Variants in ANO3 observed in about 807,000 individuals in gnomAD.
ANO3 encodes anoctamin 3, also known as anoctamin-3.
ANO3 carries 99 observed loss-of-function variants against 144.8 expected under a neutral mutation model. The ratio of observed to expected loss-of-function variants is 0.68; its 90% CI spans 0.58 to 0.81. The LOEUF (loss-of-function observed/expected upper bound fraction) is 0.81. Ranked by LOEUF, ANO3 falls within the 30% of genes least tolerant of loss-of-function variation. The pLI is 0.00. For synonymous variants in ANO3, 414 were observed against 392.6 expected, an observed-to-expected ratio of 1.05 and a Z score of -0.64; for missense variants, 905 against 1,202.2, an observed-to-expected ratio of 0.75 and a Z score of 3.66.
intron 14 of ANO3, among the ~76,000 whole-genome samples, chr11:26,561,639 A>G (rs1850298201): frequency 6.6e-6 from 1 of 151,932 alleles, no homozygotes; most frequent in South Asian, 2.1e-4. Context: ...TAATGTTATT[A>G]TTTTACCAAA....
At chr11:26,300,855 CT>C (rs376885670) in intron 1 of ANO3, among the ~76,000 whole-genome samples, 8,971 of 128,814 alleles carry the variant, frequency 0.07, 182 homozygotes, top group Middle Eastern at 0.095. Flanking sequence ...TCTTTTTTTT[CT>C]TTTTTTTTTT....
At chr11:26,475,184 C>T (rs1048409404) in intron 4 of ANO3, among the ~76,000 whole-genome samples, 3 of 151,526 alleles carry the variant, frequency 2.0e-5, no homozygotes, top group African/African-American at 7.3e-5. Context: ...ATTTTCTTTC[C>T]TTCTTAGTTT....
chr11:26,350,699 A>G (rs1311141347), intron 1 of ANO3, among the ~76,000 whole-genome samples: 1 of 152,170 alleles, frequency 6.6e-6, no homozygotes, highest in Non-Finnish European at 1.5e-5. Flanking sequence ...TTCAGAAAAT[A>G]CACAAATATA....
chr11:26,199,503 T>A (rs1478685449), intron 1 of ANO3, among the ~76,000 whole-genome samples: 1 of 152,138 alleles, frequency 6.6e-6, no homozygotes, highest in Non-Finnish European at 1.5e-5. Context: ...CATGCAGGGA[T>A]GGGACACAGG....
intron 4 of ANO3, among the ~76,000 whole-genome samples, chr11:26,494,582 C>T (rs116518950): frequency 0.012 from 1,836 of 152,266 alleles, 37 homozygotes; most frequent in African/African-American, 0.042. Context: ...TTCACTAATG[C>T]CCATTTTTCT....
intron 1 of ANO3, among the ~76,000 whole-genome samples, chr11:26,280,660 CT>C (rs1241733716): frequency 7.9e-5 from 12 of 152,296 alleles, no homozygotes; most frequent in African/African-American, 2.9e-4. Flanking sequence ...TGTTAATCTC[CT>C]TTGGCAACAC....
intron 17 of ANO3, among the ~76,000 whole-genome samples, chr11:26,621,249 T>C (rs11029648): frequency 0.25 from 38,753 of 152,080 alleles, 5,843 homozygotes; most frequent in South Asian, 0.45. Context: ...AATTCCAAAA[T>C]GCTTACCATG....
intron 17 of ANO3, among the ~76,000 whole-genome samples, chr11:26,607,701 G>A (rs1427483960): frequency 2.0e-5 from 3 of 152,124 alleles, no homozygotes; most frequent in Non-Finnish European, 4.4e-5. Flanking sequence ...CCTGTATTGG[G>A]TGCATAGAAT....
In ANO3 at chr11:26,629,855, T is replaced by G. The variant is rs1036585456; in HGVS notation, c.1874-4349T>G. Among the ~76,000 whole-genome samples, 23 of 152,200 alleles carry G rather than the reference T, an allele frequency of 1.5e-4. 1 individual carries two copies. The highest frequency in any genetic ancestry group is 1.5e-3 in the Admixed American group (23 of 15,278). On this transcript the variant is annotated intron_variant, in intron 18 of 26. Transcript: ENST00000256737. ...CATGTTAGTCAGGCTGGTCTCGAACTGCCGACCTCAGGTGATCTGCCCGCC... is the reference window on the plus strand; with the variant it reads ...CATGTTAGTCAGGCTGGTCTCGAACGGCCGACCTCAGGTGATCTGCCCGCC...
chr11:26,395,592 G>A (rs1002346045), intron 1 of ANO3, among the ~76,000 whole-genome samples: 4 of 152,020 alleles, frequency 2.6e-5, no homozygotes, highest in African/African-American at 9.7e-5. Flanking sequence ...TATTATTGGT[G>A]TATAGGAATG....
intron 1 of ANO3, among the ~76,000 whole-genome samples, chr11:26,441,504 G>A (rs1858522098): frequency 6.6e-6 from 1 of 152,122 alleles, no homozygotes; most frequent in South Asian, 2.1e-4. Flanking sequence ...TAAGGGAGAG[G>A]AGGGCGTAGA....
At chr11:26,655,359 G>A (rs770823528) in intron 24 of ANO3, among the ~76,000 whole-genome samples, 3 of 152,130 alleles carry the variant, frequency 2.0e-5, no homozygotes, top group Non-Finnish European at 2.9e-5. Flanking sequence ...CCAGGAAAGG[G>A]AAAGAATAGG....
chr11:26,507,408 A>G lies in ANO3; in HGVS notation c.433-696A>G, dbSNP rs542234746. ...TAGGTTGGTGGATACAACAGAGTGA[A>G]GGCCCTAGAGCAGTCTTGCTGAGCA... On this transcript the variant is annotated intron_variant, in intron 4 of 26. Coordinates refer to ENST00000256737, the MANE Select transcript of ANO3 (RefSeq NM_031418.4). Among the ~76,000 whole-genome samples, 14 of 152,348 alleles carry G rather than the reference A, an allele frequency of 9.2e-5. 1 individual carries two copies. The South Asian group carries it at 2.7e-3, about 29-fold the overall frequency.
intron 1 of ANO3, among the ~76,000 whole-genome samples, chr11:26,266,934 A>T (rs1445345665): frequency 6.6e-6 from 1 of 150,956 alleles, no homozygotes; most frequent in Non-Finnish European, 1.5e-5. Context: ...ACAAAAAGAA[A>T]AAAAAAAATT....
chr11:26,338,332 C>A (rs547673355), intron 1 of ANO3, among the ~76,000 whole-genome samples: 3 of 152,140 alleles, frequency 2.0e-5, no homozygotes, highest in Non-Finnish European at 1.5e-5. Flanking sequence ...ACGCACCAAT[C>A]GGCATTCTGT....
intron 1 of ANO3, 142 bp downstream of exon 1, chr11:26,332,463 A>T (rs1280302567): frequency 2.5e-6 from 2 of 787,736 alleles, no homozygotes; most frequent in East Asian, 5.4e-5. Flanking sequence ...AAAAAAAATT[A>T]AATTCCTCTT....
At position 26,442,010 on chromosome 11, in the gene ANO3, T is replaced by C; in HGVS notation, c.139T>C (p.Ser47Pro). 6.2e-7 allele frequency: 1 copy of C among 1,614,146 alleles called. No individual in the cohort carries two copies. Among genetic ancestry groups the C allele is most frequent in the Non-Finnish European group, 8.5e-7 (1 of 1,179,994 alleles). Reference protein sequence around the residue: ...LPCLAQSYAYSKSLSQSTSLF... With the variant: ...LPCLAQSYAYPKSLSQSTSLF... ...TTGCCTCGCCCAGAGCTACGCTTACTCAAAGAGCTTGAGCCAGTCTACTTC... is the reference window on the plus strand; with the variant it reads ...TTGCCTCGCCCAGAGCTACGCTTACCCAAAGAGCTTGAGCCAGTCTACTTC... The change falls in exon 2 of 27, where the codon TCA becomes CCA. Residue 47 changes from serine (S) to proline (P), a missense_variant. Transcript: ENST00000256737.
intron 1 of ANO3, among the ~76,000 whole-genome samples, chr11:26,378,252 C>T (rs1856468087): frequency 6.6e-6 from 1 of 150,664 alleles, no homozygotes. Flanking sequence ...TAGGGCCTCA[C>T]AGTACTGAGG....
Position 26,316,823 on chromosome 11 carries a change from G to A in ANO3, c.-3+7104G>A, listed in dbSNP as rs191636202. Among the ~76,000 whole-genome samples, 169 of 152,286 alleles carry A rather than the reference G, an allele frequency of 1.1e-3. 1 individual carries two copies. Among genetic ancestry groups the A allele is most frequent in the Non-Finnish European group, 1.9e-3 (129 of 68,012 alleles). The stretch of plus-strand genomic sequence containing the variant: ...GTGAAACCTCACTGACTGCATGTCC[G>A]TTCATAGGCTCTCTGCAGGGGGAAG... On this transcript the variant is annotated intron_variant, in intron 1 of 26. Coordinates refer to the ANO3 transcript ENST00000525139.
Sources: allele counts gnomAD v4.1 joint callset (sites outside exome capture counted in the v4.1 genomes callset), GRCh38; gene constraint gnomAD v4.1.1; transcripts MANE v1.5; gene names NCBI Gene and HGNC (gene_info 2026-07-23, HGNC 2026-07-21).